Variants in ZNRF3 observed in about 807,000 individuals in gnomAD.
The protein encoded by ZNRF3 is E3 ubiquitin-protein ligase ZNRF3.
ZNRF3 carries 23 observed loss-of-function variants against 72.5 expected under a neutral mutation model. The observed-to-expected ratio is 0.32, with a 90% CI of 0.23 to 0.45. ZNRF3 has a LOEUF of 0.45. ZNRF3 is among the 20% of genes least tolerant of loss of function. ZNRF3 has a pLI of 1.00. For synonymous variants in ZNRF3, 610 were observed against 545.3 expected (o/e 1.12, Z -1.65); for missense variants, 1,169 against 1,272.1 (o/e 0.92, Z 1.23).
chr22:29,036,131 C>A (rs1376604556), intron 2 of ZNRF3, among the ~76,000 whole-genome samples: 7 of 152,166 alleles, frequency 4.6e-5, no homozygotes, highest in Non-Finnish European at 1.0e-4. Flanking sequence ...TAGGGGGTAA[C>A]AGATGAGTTA....
intron 8 of ZNRF3, among the ~76,000 whole-genome samples, chr22:29,052,423 G>A (rs144778947): frequency 1.7e-4 from 26 of 152,268 alleles, no homozygotes; most frequent in African/African-American, 5.1e-4. Flanking sequence ...GGCCGGGTGC[G>A]GTGATTCACG....
intron 5 of ZNRF3, 119 bp from the exon 6 acceptor site, chr22:29,046,597 C>A (rs1006510042): frequency 1.7e-6 from 2 of 1,161,770 alleles, no homozygotes; most frequent in South Asian, 4.3e-5. Flanking sequence ...TCTCAGAAGT[C>A]TGTTCCGGCA....
Position 29,031,913 on chromosome 22 carries a change from G to A in ZNRF3, c.427-10582G>A, listed in dbSNP as rs547916892. The stretch of plus-strand genomic sequence containing the variant: ...TTCCAGGCTCCGGCTTTAGATGGCT[G>A]TGTCTCTCAAGCCTTCAAGCCTATG... On this transcript the variant is annotated intron_variant, in intron 2 of 8. Transcript: ENST00000544604. Among the ~76,000 whole-genome samples, 20 of 152,352 alleles carry A rather than the reference G, an allele frequency of 1.3e-4. 1 individual carries two copies. The South Asian group carries it at 3.9e-3, about 30-fold the overall frequency.
intron 1 of ZNRF3, among the ~76,000 whole-genome samples, chr22:28,909,187 G>A (rs1285743956): frequency 6.6e-6 from 1 of 152,038 alleles, no homozygotes; most frequent in Non-Finnish European, 1.5e-5. Flanking sequence ...GTGAGCCACC[G>A]CGCCCAGCCT....
At chr22:29,034,587 TATATGTCAGGG>T (rs1395159255) in intron 2 of ZNRF3, among the ~76,000 whole-genome samples, 1 of 152,166 alleles carries the variant, frequency 6.6e-6, no homozygotes, top group Non-Finnish European at 1.5e-5. Context: ...GTTAGTGATG[TATATGTCAGGG>T]ATAGCTCTGG....
intron 2 of ZNRF3, among the ~76,000 whole-genome samples, chr22:29,023,155 C>G (rs1448537243): frequency 6.6e-6 from 1 of 152,088 alleles, no homozygotes; most frequent in Non-Finnish European, 1.5e-5. Flanking sequence ...ACTAATAGAT[C>G]CTGATTAAAG....
chr22:28,969,028 C>T (rs1432221380), intron 1 of ZNRF3, among the ~76,000 whole-genome samples: 2 of 152,144 alleles, frequency 1.3e-5, no homozygotes, highest in African/African-American at 2.4e-5. Context: ...GGTCTTGGCC[C>T]ACATGCAGGC....
At chr22:29,028,542 C>T (rs1483759661) in intron 2 of ZNRF3, among the ~76,000 whole-genome samples, 3 of 152,136 alleles carry the variant, frequency 2.0e-5, no homozygotes, top group Non-Finnish European at 2.9e-5. Context: ...TATATGTGTA[C>T]GTATCTCCAT....
At chr22:29,016,019 AAAAAAAAAAAC>A (rs527618467) in intron 2 of ZNRF3, among the ~76,000 whole-genome samples, 4,301 of 151,364 alleles carry the variant, frequency 0.028, 123 homozygotes, top group African/African-American at 0.067. Flanking sequence ...TGTCTCAAAA[AAAAAAAAAAAC>A]AAAAAAACTG....
intron 1 of ZNRF3, among the ~76,000 whole-genome samples, chr22:28,968,464 C>G (rs2035513800): frequency 6.6e-6 from 1 of 152,108 alleles, no homozygotes; most frequent in South Asian, 2.1e-4. Flanking sequence ...AATCCCAGCA[C>G]TTTGGGAGGC....
At chr22:28,957,730 C>T (rs1403934094) in intron 1 of ZNRF3, among the ~76,000 whole-genome samples, 4 of 152,136 alleles carry the variant, frequency 2.6e-5, no homozygotes, top group African/African-American at 9.6e-5. Context: ...TGAGCCACCA[C>T]GCCCGGCCAA....
intron 2 of ZNRF3, chr22:29,017,887 A>C: frequency 2.2e-6 from 1 of 449,232 alleles, no homozygotes; most frequent in Admixed American, 2.5e-5. Context: ...GATTTTGCAG[A>C]GAAAGGAGGC....
At chr22:28,929,535 C>A (rs1209514772) in intron 1 of ZNRF3, among the ~76,000 whole-genome samples, 1 of 152,194 alleles carries the variant, frequency 6.6e-6, no homozygotes, top group Admixed American at 6.5e-5. Context: ...AACTACTGTT[C>A]TAGAAATTCT....
In ZNRF3 at chr22:29,056,587, A is replaced by G. The variant is rs983523294; in HGVS notation, c.*2965A>G. 6.6e-6 allele frequency: 1 copy of G among 152,222 alleles called. No homozygotes were observed. The highest frequency in any genetic ancestry group is 2.4e-5 in the African/African-American group (1 of 41,456). The allele number at this position is 152,222 out of a possible 1,614,324, so 9.4% of individuals were successfully genotyped here. On this transcript the variant is annotated 3_prime_UTR_variant, in exon 9 of 9. Coordinates refer to ENST00000544604, the MANE Select transcript of ZNRF3 (RefSeq NM_001206998.2). Reference sequence around the variant, plus strand: ...ACTCTGAGTGGTGTGTAGTGGTTTTATAGCCATGGAAACTAGGAGTATCTC... The same window carrying G: ...ACTCTGAGTGGTGTGTAGTGGTTTTGTAGCCATGGAAACTAGGAGTATCTC...
intron 1 of ZNRF3, among the ~76,000 whole-genome samples, chr22:28,902,415 C>T (rs1428787660): frequency 6.7e-6 from 1 of 149,982 alleles, no homozygotes; most frequent in Non-Finnish European, 1.5e-5. Flanking sequence ...TGGGATCTCA[C>T]TCTGTTGCCC....
chr22:28,909,557 G>A (rs1308400876), intron 1 of ZNRF3, among the ~76,000 whole-genome samples: 1 of 151,908 alleles, frequency 6.6e-6, no homozygotes, highest in Admixed American at 6.6e-5. Flanking sequence ...AAAGAAAACA[G>A]CGCCTTCCTT....
intron 1 of ZNRF3, among the ~76,000 whole-genome samples, chr22:28,893,835 T>C (rs1157205604): frequency 6.6e-6 from 1 of 152,074 alleles, no homozygotes; most frequent in Non-Finnish European, 1.5e-5. Context: ...AGAATTAGGT[T>C]CACTGAGTTA....
chr22:28,971,789 C>T (rs1296068650), intron 1 of ZNRF3, among the ~76,000 whole-genome samples: 1 of 152,132 alleles, frequency 6.6e-6, no homozygotes, highest in Non-Finnish European at 1.5e-5. Flanking sequence ...CACCTGTCAC[C>T]TTGAACTCCT....
At chr22:28,901,073 T>C (rs1228579076) in intron 1 of ZNRF3, among the ~76,000 whole-genome samples, 1 of 152,162 alleles carries the variant, frequency 6.6e-6, no homozygotes, top group East Asian at 1.9e-4. Context: ...GTAGTGCCAC[T>C]GCATTCCAGC....
Sources: gnomAD v4.1 joint callset for allele counts (sites outside exome capture counted in the v4.1 genomes callset) on GRCh38, gnomAD v4.1.1 for gene constraint, MANE v1.5 for transcripts, NCBI Gene and HGNC (gene_info 2026-07-23, HGNC 2026-07-21) for gene names.